SLC38A8: variants seen among roughly 807,000 people sequenced by gnomAD.
SLC38A8 encodes amino acid transporter SLC38A8.
A neutral mutation model predicts 46.0 loss-of-function variants in SLC38A8; 65 were observed. The observed-to-expected ratio is 1.41, with a 90% CI of 1.16 to 1.74. SLC38A8 has a LOEUF of 1.74. SLC38A8 is among the 40% of genes most tolerant of loss of function. The probability of loss-of-function intolerance (pLI) is 0.00; values close to 1 mark genes in which losing one functional copy is unlikely to be tolerated. For synonymous variants in SLC38A8, 447 were observed against 243.7 expected (o/e 1.83, Z -7.77); for missense variants, 998 against 567.9 (o/e 1.76, Z -7.70).
chr16:84,034,712 C>A (rs1357624095), intron 3 of SLC38A8, among the ~76,000 whole-genome samples: 2 of 152,200 alleles, frequency 1.3e-5, no homozygotes, highest in African/African-American at 4.8e-5. Context: ...GTGGTCACAG[C>A]AGCATCCACG....
chr16:84,040,793 C>G (rs1009228279), intron 2 of SLC38A8, among the ~76,000 whole-genome samples: 10 of 152,232 alleles, frequency 6.6e-5, no homozygotes, highest in African/African-American at 2.4e-4. Flanking sequence ...ACATGACCCT[C>G]CCGGCATGAT....
chr16:84,037,418 G>A (rs1007080791), intron 2 of SLC38A8, among the ~76,000 whole-genome samples: 1 of 152,172 alleles, frequency 6.6e-6, no homozygotes, highest in African/African-American at 2.4e-5. Flanking sequence ...GACACGTCAG[G>A]ACTGAACAAG....
Position 84,029,478 on chromosome 16 carries a change from C to G in SLC38A8, c.690+16G>C. On this transcript the variant is annotated intron_variant, in intron 6 of 10. Coordinates refer to ENST00000299709, the MANE Select transcript of SLC38A8 (RefSeq NM_001080442.3). ...TCTGCAAACGCCACAGGCTGCAACA[C>G]AGATGCTAAAATTACCTGAAACCCG... The G allele has an allele frequency of 1.9e-6, 3 of 1,613,926 alleles. No homozygotes were observed. The highest frequency in any genetic ancestry group is 2.7e-5 in the African/African-American group (2 of 75,030).
intron 5 of SLC38A8, among the ~76,000 whole-genome samples, chr16:84,030,926 C>T (rs896775854): frequency 8.5e-5 from 13 of 152,342 alleles, no homozygotes; most frequent in Non-Finnish European, 1.8e-4. Flanking sequence ...ATTGCCTCCT[C>T]TGAAGCCACC....
intron 2 of SLC38A8, among the ~76,000 whole-genome samples, chr16:84,040,781 AC>A (rs1379977313): frequency 6.6e-6 from 1 of 152,166 alleles, no homozygotes; most frequent in Non-Finnish European, 1.5e-5. Context: ...ATCCCCAGAG[AC>A]ACATGACCCT....
Position 84,012,650 on chromosome 16 carries a change from T to C in SLC38A8, c.1214+351A>G, listed in dbSNP as rs75536348. Among the ~76,000 whole-genome samples the C allele has an allele frequency of 3.9e-5, 6 of 152,322 alleles. No individual in the cohort carries two copies. In the East Asian group the frequency reaches 1.2e-3, roughly 29 times the overall value. On this transcript the variant is annotated intron_variant, in intron 10 of 10. Coordinates refer to ENST00000299709, the MANE Select transcript of SLC38A8 (RefSeq NM_001080442.3). ...ATGGTGTCTGGCCGGCCATGGGGCC[T>C]TTCTAACCCAGCCTGCACCCTGATC...
intron 5 of SLC38A8, among the ~76,000 whole-genome samples, chr16:84,030,281 C>T (rs147036745): frequency 6.6e-6 from 1 of 152,170 alleles, no homozygotes; most frequent in Non-Finnish European, 1.5e-5. Context: ...CCTGACCACA[C>T]TTTGATCACT....
At chr16:84,036,578 G>A in intron 3 of SLC38A8, 124 bp downstream of exon 3, 1 of 1,100,252 alleles carries the variant, frequency 9.1e-7, no homozygotes. Context: ...CAAGAGTGTG[G>A]TTTCAGCCTC....
intron 6 of SLC38A8, among the ~76,000 whole-genome samples, chr16:84,027,876 G>A (rs963852756): frequency 6.6e-6 from 1 of 152,126 alleles, no homozygotes; most frequent in Non-Finnish European, 1.5e-5. Context: ...ACAGAGAGAG[G>A]TTCTTAAACT....
At chr16:84,024,914 C>G (rs1364893563) in intron 6 of SLC38A8, among the ~76,000 whole-genome samples, 1 of 152,126 alleles carries the variant, frequency 6.6e-6, no homozygotes, top group Non-Finnish European at 1.5e-5. Context: ...CTCCTGACCT[C>G]AAGTGATCCT....
At chr16:84,043,013 C>T (rs561037893), upstream of SLC38A8, among the ~76,000 whole-genome samples, 63 of 152,274 alleles carry the variant, frequency 4.1e-4, no homozygotes, top group African/African-American at 1.5e-3. Flanking sequence ...AGGTCCCCAG[C>T]CCAACGGAGG....
intron 2 of SLC38A8, 88 bp downstream of exon 2, chr16:84,041,881 A>G: frequency 8.2e-7 from 1 of 1,224,586 alleles, no homozygotes; most frequent in Non-Finnish European, 1.1e-6. Context: ...AGGACACGCA[A>G]CTCCGCAGAA....
chr16:84,012,020 C>G (rs1043529605), intron 10 of SLC38A8, among the ~76,000 whole-genome samples: 1 of 152,160 alleles, frequency 6.6e-6, no homozygotes, highest in African/African-American at 2.4e-5. Context: ...GAAGCTGAGG[C>G]GCCTTCAGAG....
intron 5 of SLC38A8, among the ~76,000 whole-genome samples, chr16:84,031,634 C>T (rs1009719701): frequency 3.3e-5 from 5 of 152,260 alleles, no homozygotes; most frequent in African/African-American, 4.8e-5. Context: ...CAGCCTTTGG[C>T]GGTTCTGCGT....
rs141156180 is a variant in SLC38A8, at chr16:84,038,736, C to A, written c.190-1836G>T. ...AGTCCCACTTCTGTCTCCCTCCCATCCCCAGAAGAAACCACCGGTCTAGTA... is the reference window on the plus strand; with the variant it reads ...AGTCCCACTTCTGTCTCCCTCCCATACCCAGAAGAAACCACCGGTCTAGTA... On this transcript the variant is annotated intron_variant, in intron 2 of 10. Coordinates refer to ENST00000299709, the MANE Select transcript of SLC38A8 (RefSeq NM_001080442.3). 1.6e-3 allele frequency among the ~76,000 whole-genome samples: 244 copies of A among 152,332 alleles called. 1 individual carries two copies. The highest frequency in any genetic ancestry group is 5.2e-3 in the African/African-American group (216 of 41,572).
In SLC38A8 at chr16:84,022,793, G is replaced by C. The variant is rs1363357622; in HGVS notation, c.787C>G (p.Leu263Val). The C allele has an allele frequency of 1.1e-5, 17 of 1,613,998 alleles. No individual in the cohort carries two copies. Among genetic ancestry groups the C allele is most frequent in the South Asian group, 4.4e-5 (4 of 91,092 alleles). The change falls in exon 7 of 11, where the codon CTC (leucine) becomes GTC (valine). Residue 263 changes from leucine to valine, a missense_variant. Transcript: ENST00000299709. ...VSVLSLLACC[L>V]IYSLTGVYGF... is the part of the protein sequence containing the mutation. ...GCCTTACCCGTCAGTGAATAGATGA[G>C]GCAGCAGGCCAGCAAGGACAGCACA...
chr16:84,034,039 G>T (rs1485985634), intron 3 of SLC38A8, among the ~76,000 whole-genome samples: 3 of 152,182 alleles, frequency 2.0e-5, no homozygotes, highest in East Asian at 3.9e-4. Flanking sequence ...TTGCTTGGGG[G>T]GTCTCTGGCT....
chr16:84,034,010 C>G (rs76460390), intron 3 of SLC38A8, among the ~76,000 whole-genome samples: 4,697 of 152,270 alleles, frequency 0.031, 243 homozygotes, highest in African/African-American at 0.11. Flanking sequence ...AATCCTCCTC[C>G]ATATAGAATT....
intron 6 of SLC38A8, among the ~76,000 whole-genome samples, chr16:84,029,217 C>T (rs986419829): frequency 3.9e-5 from 6 of 152,148 alleles, no homozygotes; most frequent in Admixed American, 3.9e-4. Flanking sequence ...ACACTCTACG[C>T]GAAACCTAAA....
Sources: allele counts gnomAD v4.1 joint callset (sites outside exome capture counted in the v4.1 genomes callset), GRCh38; gene constraint gnomAD v4.1.1; transcripts MANE v1.5; gene names NCBI Gene and HGNC (gene_info 2026-07-23, HGNC 2026-07-21).